METAP1D: variants seen among roughly 807,000 people sequenced by gnomAD.
METAP1D encodes the protein methionine aminopeptidase 1D, mitochondrial.
In METAP1D, 31 loss-of-function variants were observed where a neutral mutation model predicts 40.5. The observed-to-expected ratio is 0.77, with a 90% CI of 0.58 to 1.03. The LOEUF is 1.03. Among genes scored for constraint, METAP1D ranks in the 50% least tolerant of loss-of-function variants. METAP1D has a pLI of 0.00. For missense variants in METAP1D, 411 were observed against 420.7 expected (o/e 0.98, Z 0.20); for synonymous variants, 151 against 146.4 (o/e 1.03, Z -0.22).
At chr2:172,061,333 A>G (rs190926560) in intron 1 of METAP1D, among the ~76,000 whole-genome samples, 165 bp from the exon 2 acceptor site, 2 of 152,334 alleles carry the variant, frequency 1.3e-5, no homozygotes, top group Admixed American at 1.3e-4. Flanking sequence ...TTACTATTGT[A>G]CTAGAATTCA....
chr2:172,026,823 G>A (rs1008039248), intron 1 of METAP1D, among the ~76,000 whole-genome samples: 4 of 152,252 alleles, frequency 2.6e-5, no homozygotes, highest in African/African-American at 9.6e-5. Flanking sequence ...GTACAAATAA[G>A]ACACAGTCAC....
At chr2:172,016,290 A>ATAT (rs1688853646) in intron 1 of METAP1D, among the ~76,000 whole-genome samples, 1 of 74,882 alleles carries the variant, frequency 1.3e-5, no homozygotes, top group African/African-American at 4.0e-5. Flanking sequence ...AAAAAAAAAA[A>ATAT]AAAAAAAAAA....
intron 6 of METAP1D, among the ~76,000 whole-genome samples, chr2:172,075,525 T>C (rs1230096653): frequency 6.6e-6 from 1 of 152,224 alleles, no homozygotes; most frequent in Non-Finnish European, 1.5e-5. Flanking sequence ...CAGTTAGGGT[T>C]ACCAGTACTT....
At chr2:172,058,730 C>T (rs1690056664) in intron 1 of METAP1D, among the ~76,000 whole-genome samples, 1 of 152,100 alleles carries the variant, frequency 6.6e-6, no homozygotes, top group Non-Finnish European at 1.5e-5. Context: ...TTGTCTAGTG[C>T]TTGAAATTGT....
intron 1 of METAP1D, among the ~76,000 whole-genome samples, chr2:172,023,171 A>G (rs1434364827): frequency 6.6e-6 from 1 of 152,190 alleles, no homozygotes; most frequent in Non-Finnish European, 1.5e-5. Context: ...CTGGGCAACA[A>G]AAGCAAAACT....
intron 1 of METAP1D, among the ~76,000 whole-genome samples, chr2:172,042,965 G>T (rs1353678724): frequency 2.4e-5 from 3 of 126,482 alleles, no homozygotes; most frequent in African/African-American, 7.9e-5. Context: ...GTATATATAT[G>T]CGTACATGTG....
chr2:172,077,109 G>A (rs1173663070), intron 6 of METAP1D, among the ~76,000 whole-genome samples: 1 of 152,130 alleles, frequency 6.6e-6, no homozygotes, highest in African/African-American at 2.4e-5. Flanking sequence ...ACTAAGAATT[G>A]GGAATCACAA....
chr2:172,017,241 C>G (rs1464348379), intron 1 of METAP1D, among the ~76,000 whole-genome samples: 1 of 93,362 alleles, frequency 1.1e-5, no homozygotes, highest in Non-Finnish European at 2.6e-5. Context: ...GTTTTACACA[C>G]ACACACACAC....
chr2:172,048,562 A>T (rs1574125127), intron 1 of METAP1D, among the ~76,000 whole-genome samples: 1 of 152,254 alleles, frequency 6.6e-6, no homozygotes, highest in Admixed American at 6.5e-5. Context: ...ATAGGAAGGC[A>T]TATCTTTTGG....
intron 1 of METAP1D, among the ~76,000 whole-genome samples, chr2:172,004,807 G>T (rs957807176): frequency 1.3e-5 from 2 of 152,112 alleles, no homozygotes; most frequent in Admixed American, 6.6e-5. Flanking sequence ...TTATAATATG[G>T]CATGTTACTA....
chr2:172,066,783 A>G (rs1461429932), intron 5 of METAP1D, among the ~76,000 whole-genome samples: 1 of 152,166 alleles, frequency 6.6e-6, no homozygotes, highest in Non-Finnish European at 1.5e-5. Flanking sequence ...TAGGGGCTAC[A>G]TTGGCCTGTG....
chr2:172,013,405 C>A (rs1412162903), intron 1 of METAP1D, among the ~76,000 whole-genome samples: 1 of 152,064 alleles, frequency 6.6e-6, no homozygotes, highest in African/African-American at 2.4e-5. Flanking sequence ...TGAACTAGGA[C>A]CGGGGGCAGG....
chr2:172,071,548 A>G (rs943542388), intron 6 of METAP1D, among the ~76,000 whole-genome samples: 2 of 152,224 alleles, frequency 1.3e-5, no homozygotes, highest in Non-Finnish European at 2.9e-5. Flanking sequence ...AGATTAACAA[A>G]TAGCCTGAAA....
chr2:172,010,071 G>T (rs780159737), intron 1 of METAP1D, among the ~76,000 whole-genome samples: 2 of 152,006 alleles, frequency 1.3e-5, no homozygotes, highest in Admixed American at 1.3e-4. Flanking sequence ...AAATTTAGCA[G>T]TAGAAGGAGC....
At chr2:172,003,826 G>C (rs1030890296) in intron 1 of METAP1D, among the ~76,000 whole-genome samples, 1 of 151,804 alleles carries the variant, frequency 6.6e-6, no homozygotes, top group African/African-American at 2.4e-5. Context: ...GTGCAGTGGT[G>C]CGATCTTGGC....
chr2:172,000,954 G>C (rs1232314165), intron 1 of METAP1D, among the ~76,000 whole-genome samples: 1 of 152,070 alleles, frequency 6.6e-6, no homozygotes, highest in Non-Finnish European at 1.5e-5. Context: ...AGTGAGCCGT[G>C]ATCGTACCAC....
At chr2:172,020,759 C>T (rs1688987676) in intron 1 of METAP1D, among the ~76,000 whole-genome samples, 1 of 152,048 alleles carries the variant, frequency 6.6e-6, no homozygotes, top group Admixed American at 6.6e-5. Flanking sequence ...TTTTATTTGT[C>T]AGTGTTTAGT....
intron 1 of METAP1D, among the ~76,000 whole-genome samples, chr2:172,059,684 C>T (rs887071019): frequency 6.6e-6 from 1 of 152,178 alleles, no homozygotes; most frequent in Non-Finnish European, 1.5e-5. Context: ...AAACAGTCAG[C>T]AGTCCAGATT....
rs1227273961 is a variant in METAP1D, at chr2:172,080,363, C to T, written c.965C>T (p.Ser322Leu). Residue 322 changes from serine (S) to leucine (L), a missense_variant, in exon 10 of 10, where the codon TCG (serine) becomes TTG (leucine). Physicochemically the swap from Ser to Leu is moderately radical, Grantham distance 145. Transcript: ENST00000315796. ...AQFEHTVLIT[S>L]RGAQILTKLP... ...TTCGAGCACACGGTTCTGATCACGT[C>T]GAGGGGCGCGCAGATCCTGACCAAA... The T allele has an allele frequency of 1.9e-6, 3 of 1,613,876 alleles. No homozygotes were observed. The highest frequency in any genetic ancestry group is 2.5e-6 in the Non-Finnish European group (3 of 1,179,904).
Sources: gnomAD v4.1 joint callset for allele counts (sites outside exome capture counted in the v4.1 genomes callset) on GRCh38, gnomAD v4.1.1 for gene constraint, MANE v1.5 for transcripts, NCBI Gene and HGNC (gene_info 2026-07-23, HGNC 2026-07-21) for gene names.